TTC7A: variants seen among roughly 807,000 people sequenced by gnomAD.
TTC7A encodes the protein tetratricopeptide repeat protein 7A.
TTC7A carries 110 observed loss-of-function variants against 103.7 expected under a neutral mutation model. The ratio of observed to expected loss-of-function variants is 1.06; its 90% CI spans 0.91 to 1.24. The LOEUF (loss-of-function observed/expected upper bound fraction) is 1.24, where lower values mean the gene tolerates loss of function less well. TTC7A is among the 50% of genes most tolerant of loss of function. The pLI is 0.00. For missense variants in TTC7A, 1,340 were observed against 1,116.3 expected (o/e 1.20, Z -2.86); for synonymous variants, 521 against 467.9 (o/e 1.11, Z -1.47).
intron 19 of TTC7A, among the ~76,000 whole-genome samples, chr2:47,064,256 T>C (rs1684013720): frequency 6.6e-6 from 1 of 152,186 alleles, no homozygotes. Flanking sequence ...TCCGGGAAAC[T>C]GGCAAGTGTA....
intron 3 of TTC7A, chr2:46,958,414 TC>T: frequency 1.8e-6 from 2 of 1,133,536 alleles, no homozygotes; most frequent in Non-Finnish European, 2.4e-6. Flanking sequence ...ACCCCCTTCC[TC>T]GGGCTTCCTT....
intron 15 of TTC7A, among the ~76,000 whole-genome samples, chr2:47,033,741 G>A (rs1680809354): frequency 6.6e-6 from 1 of 152,216 alleles, no homozygotes; most frequent in Admixed American, 6.5e-5. Flanking sequence ...GGACAGCCGT[G>A]TTTGAAAGGT....
intron 14 of TTC7A, among the ~76,000 whole-genome samples, chr2:47,026,180 C>T (rs1236377914): frequency 6.6e-6 from 1 of 152,178 alleles, no homozygotes. Flanking sequence ...CTGCCTGGGT[C>T]TCTGAGGCCC....
chr2:47,057,704 T>G (rs1446419843), intron 18 of TTC7A, among the ~76,000 whole-genome samples: 1 of 152,170 alleles, frequency 6.6e-6, no homozygotes, highest in Non-Finnish European at 1.5e-5. Flanking sequence ...TTCTCCTCTC[T>G]CGTGACCCTG....
intron 2 of TTC7A, among the ~76,000 whole-genome samples, chr2:46,920,582 C>T (rs1669051495): frequency 6.6e-6 from 1 of 151,830 alleles, no homozygotes; most frequent in Non-Finnish European, 1.5e-5. Flanking sequence ...CTGCCTGCCT[C>T]AGCCTCCCAA....
At chr2:47,018,044 A>G (rs1678862043) in intron 11 of TTC7A, among the ~76,000 whole-genome samples, 3 of 152,144 alleles carry the variant, frequency 2.0e-5, no homozygotes. Context: ...TGGGAGGCCA[A>G]AGCAGGTGGA....
intron 2 of TTC7A, among the ~76,000 whole-genome samples, chr2:46,921,369 G>A (rs1669093714): frequency 6.6e-6 from 1 of 152,178 alleles, no homozygotes; most frequent in Non-Finnish European, 1.5e-5. Context: ...CAATAAGCAA[G>A]TAGAAATGGA....
At position 47,074,087 on chromosome 2, in the gene TTC7A, A is replaced by T; in HGVS notation, c.*164A>T. The T allele has an allele frequency of 1.6e-6, 1 of 614,936 alleles. No individual in the cohort carries two copies. Among genetic ancestry groups the T allele is most frequent in the South Asian group, 2.0e-5 (1 of 50,696 alleles). 38.1% of individuals were successfully genotyped at this position (614,936 alleles called of 1,614,324 possible). A position where few individuals can be genotyped will look rare whatever the true frequency, so the allele number is the denominator to read the frequency against. ...CCCTCGTTCTCTTGGCTGGGCCAAGAGGGCCTTCCTGGATTTCTTTGTTGG... is the reference window on the plus strand; with the variant it reads ...CCCTCGTTCTCTTGGCTGGGCCAAGTGGGCCTTCCTGGATTTCTTTGTTGG... On this transcript the variant is annotated 3_prime_UTR_variant, in exon 20 of 20. Coordinates refer to ENST00000319190, the MANE Select transcript of TTC7A (RefSeq NM_020458.4).
chr2:47,062,366 T>G (rs1321926781), intron 19 of TTC7A, among the ~76,000 whole-genome samples: 1 of 152,218 alleles, frequency 6.6e-6, no homozygotes, highest in African/African-American at 2.4e-5. Flanking sequence ...ATGTTCAGCC[T>G]CAAATGAAGA....
intron 1 of TTC7A, among the ~76,000 whole-genome samples, chr2:46,943,398 T>C (rs1670632486): frequency 6.6e-6 from 1 of 152,114 alleles, no homozygotes; most frequent in Admixed American, 6.5e-5. Context: ...CTGGGCTGGC[T>C]TCACTGTGGG....
chr2:47,026,621 G>C (rs1371812963), intron 14 of TTC7A, among the ~76,000 whole-genome samples: 1 of 152,186 alleles, frequency 6.6e-6, no homozygotes. Flanking sequence ...AGCTAACGCA[G>C]CTCCCAGGCC....
At chr2:47,019,431 G>C (rs1316145915) in intron 11 of TTC7A, among the ~76,000 whole-genome samples, 4 of 152,090 alleles carry the variant, frequency 2.6e-5, no homozygotes, top group African/African-American at 7.2e-5. Context: ...TAGGGAGATG[G>C]TACATTAAGC....
chr2:46,982,693 G>A (rs560218664), intron 5 of TTC7A, among the ~76,000 whole-genome samples: 51 of 152,298 alleles, frequency 3.3e-4, no homozygotes, highest in African/African-American at 1.2e-3. Context: ...ACAGCTGCCT[G>A]GAATTCATGC....
intron 5 of TTC7A, among the ~76,000 whole-genome samples, chr2:46,992,568 G>T (rs902549869): frequency 6.6e-6 from 1 of 152,264 alleles, no homozygotes. Flanking sequence ...AGGCCCCACA[G>T]CCTCAGGAAG....
chr2:46,918,017 T>C (rs1174218079), intron 2 of TTC7A, among the ~76,000 whole-genome samples: 2 of 152,222 alleles, frequency 1.3e-5, no homozygotes, highest in Admixed American at 1.3e-4. Flanking sequence ...GTGCTTTAGA[T>C]ACCATTTATA....
intron 3 of TTC7A, among the ~76,000 whole-genome samples, chr2:46,957,354 C>T (rs986602044): frequency 1.3e-5 from 2 of 152,262 alleles, no homozygotes; most frequent in African/African-American, 4.8e-5. Flanking sequence ...CAAGAGTCAT[C>T]AGCAGAATTG....
chr2:47,020,847 A>G (rs970516431), intron 11 of TTC7A, among the ~76,000 whole-genome samples: 2 of 152,170 alleles, frequency 1.3e-5, no homozygotes, highest in African/African-American at 4.8e-5. Flanking sequence ...ATCTCCTGCT[A>G]GCGGGATGGG....
chr2:46,987,689 A>C (rs183726680), intron 5 of TTC7A, among the ~76,000 whole-genome samples: 1 of 152,362 alleles, frequency 6.6e-6, no homozygotes, highest in Non-Finnish European at 1.5e-5. Flanking sequence ...TTAGTAAAGC[A>C]ACATGTGCTC....
intron 3 of TTC7A, among the ~76,000 whole-genome samples, chr2:46,966,303 C>T (rs1004381456): frequency 6.6e-6 from 1 of 152,188 alleles, no homozygotes; most frequent in Non-Finnish European, 1.5e-5. Context: ...CATGGCTACA[C>T]TACGAGCTAG....
Sources: allele counts gnomAD v4.1 joint callset (sites outside exome capture counted in the v4.1 genomes callset), GRCh38; gene constraint gnomAD v4.1.1; transcripts MANE v1.5; gene names NCBI Gene and HGNC (gene_info 2026-07-23, HGNC 2026-07-21).